The following UMAD1 variants were observed in gnomAD, a reference collection of about 807,000 sequenced individuals.
UMAD1 encodes the protein UBAP1-MVB12-associated (UMA)-domain containing protein 1.
UMAD1 carries 8 observed loss-of-function variants against 6.1 expected under a neutral mutation model. The ratio of observed to expected loss-of-function variants is 1.30; its 90% confidence interval spans 0.76 to 2.35. The LOEUF (loss-of-function observed/expected upper bound fraction) is 2.35. UMAD1 is among the 30% of genes most tolerant of loss of function. UMAD1 has a pLI of 0.00. For missense variants in UMAD1, 130 were observed against 78.4 expected, an observed-to-expected ratio of 1.66 and a Z score of -2.49; for synonymous variants, 56 against 31.4, an observed-to-expected ratio of 1.78 and a Z score of -2.61.
intron 2 of UMAD1, among the ~76,000 whole-genome samples, chr7:7,790,816 A>G (rs1450544850): frequency 6.6e-6 from 1 of 152,140 alleles, no homozygotes; most frequent in Non-Finnish European, 1.5e-5. Context: ...TAGTTATCAC[A>G]TTGTGCTATC....
chr7:7,666,958 C>A (rs376986695), intron 1 of UMAD1, among the ~76,000 whole-genome samples: 1 of 152,168 alleles, frequency 6.6e-6, no homozygotes, highest in Non-Finnish European at 1.5e-5. Context: ...CAGGCGTGCG[C>A]CACCACATCC....
intron 2 of UMAD1, among the ~76,000 whole-genome samples, chr7:7,764,405 C>T (rs141401696): frequency 9.5e-4 from 145 of 152,174 alleles, no homozygotes; most frequent in Non-Finnish European, 1.6e-3. Context: ...ATCTTTGCTT[C>T]GGTTAAGTAG....
chr7:7,847,094 AAAAAAAAAAAATATAT>A (rs1277433487), intron 3 of UMAD1, among the ~76,000 whole-genome samples: 1 of 42,718 alleles, frequency 2.3e-5, no homozygotes, highest in African/African-American at 1.7e-4. Flanking sequence ...ATGCAAAAAA[AAAAAAAAAAAATATAT>A]ATATATATAT....
chr7:7,668,953 C>G (rs971716483), intron 1 of UMAD1, among the ~76,000 whole-genome samples: 9 of 152,086 alleles, frequency 5.9e-5, no homozygotes, highest in African/African-American at 2.2e-4. Flanking sequence ...TGTAGACATG[C>G]CAGTCCACCT....
chr7:7,853,547 T>C (rs1035912405), intron 3 of UMAD1, among the ~76,000 whole-genome samples: 1 of 152,148 alleles, frequency 6.6e-6, no homozygotes, highest in African/African-American at 2.4e-5. Flanking sequence ...AATTTATTCC[T>C]AATCATGTTA....
At chr7:7,869,814 C>G (rs1054149890) in intron 3 of UMAD1, among the ~76,000 whole-genome samples, 2 of 152,176 alleles carry the variant, frequency 1.3e-5, no homozygotes, top group Admixed American at 6.5e-5. Flanking sequence ...GTTCTTAAAC[C>G]TGAATTTCCT....
intron 3 of UMAD1, among the ~76,000 whole-genome samples, chr7:7,867,968 G>C (rs1318927427): frequency 6.6e-6 from 1 of 152,034 alleles, no homozygotes; most frequent in Non-Finnish European, 1.5e-5. Context: ...AGCAGATAGA[G>C]GAGATCCTCA....
At chr7:7,728,056 A>T (rs868840484) in intron 2 of UMAD1, among the ~76,000 whole-genome samples, 64 of 152,072 alleles carry the variant, frequency 4.2e-4, no homozygotes, top group South Asian at 8.3e-4. Flanking sequence ...TGTTGGCCCT[A>T]TTTTTAACTC....
At chr7:7,675,246 G>T (rs1779710752) in intron 2 of UMAD1, among the ~76,000 whole-genome samples, 1 of 152,184 alleles carries the variant, frequency 6.6e-6, no homozygotes, top group South Asian at 2.1e-4. Context: ...TAAGTTGGGT[G>T]TACTGGCATC....
intron 2 of UMAD1, among the ~76,000 whole-genome samples, chr7:7,799,007 A>G (rs1269648577): frequency 6.6e-6 from 1 of 152,202 alleles, no homozygotes; most frequent in Non-Finnish European, 1.5e-5. Context: ...TATCTATCCA[A>G]GATATAAATT....
At chr7:7,667,173 G>A (rs1779486746) in intron 1 of UMAD1, among the ~76,000 whole-genome samples, 1 of 152,198 alleles carries the variant, frequency 6.6e-6, no homozygotes. Flanking sequence ...GTATTAAGAT[G>A]CATTATAGGT....
At chr7:7,653,280 T>C (rs1785268804) in intron 1 of UMAD1, among the ~76,000 whole-genome samples, 1 of 152,220 alleles carries the variant, frequency 6.6e-6, no homozygotes, top group Admixed American at 6.5e-5. Flanking sequence ...CTAAAACATA[T>C]AAATGTGTCA....
intron 2 of UMAD1, chr7:7,735,846 A>G (rs988405379): frequency 6.6e-6 from 1 of 152,318 alleles, no homozygotes; most frequent in African/African-American, 2.4e-5. Flanking sequence ...CCCAGAAAGT[A>G]TCTTCCACAG....
intron 2 of UMAD1, among the ~76,000 whole-genome samples, chr7:7,722,751 C>T (rs1470974093): frequency 6.6e-6 from 1 of 152,150 alleles, no homozygotes; most frequent in Admixed American, 6.5e-5. Flanking sequence ...GGTGGCTGAC[C>T]TGTAATGGAA....
intron 2 of UMAD1, among the ~76,000 whole-genome samples, chr7:7,784,988 C>G (rs1441820619): frequency 2.0e-5 from 3 of 152,070 alleles, no homozygotes; most frequent in Admixed American, 6.6e-5. Flanking sequence ...TAGAAAGGTT[C>G]CCTAATTGTC....
chr7:7,836,072 G>T (rs1249343073), intron 3 of UMAD1, among the ~76,000 whole-genome samples: 3 of 151,932 alleles, frequency 2.0e-5, no homozygotes, highest in African/African-American at 4.8e-5. Flanking sequence ...TAGTCTTAAA[G>T]ATTCCATTTA....
chr7:7,675,197 CATT>C (rs1388337765), intron 2 of UMAD1, among the ~76,000 whole-genome samples: 3 of 152,134 alleles, frequency 2.0e-5, no homozygotes, highest in Non-Finnish European at 4.4e-5. Flanking sequence ...TAGAAATTGA[CATT>C]ATTCTTTTTG....
intron 2 of UMAD1, among the ~76,000 whole-genome samples, chr7:7,741,600 AATAATAATAATAAT>A (rs1363703346): frequency 6.8e-6 from 1 of 148,088 alleles, no homozygotes; most frequent in African/African-American, 2.4e-5. Context: ...TAATAATAAT[AATAATAATAATAAT>A]AAAAATAATA....
chr7:7,771,424 C>A (rs978149058), intron 2 of UMAD1, among the ~76,000 whole-genome samples: 4 of 152,114 alleles, frequency 2.6e-5, no homozygotes, highest in Admixed American at 2.6e-4. Context: ...GCGGCAGCCA[C>A]AGGATGTTAT....
Sources: gnomAD v4.1 joint callset for allele counts (sites outside exome capture counted in the v4.1 genomes callset) on GRCh38, gnomAD v4.1.1 for gene constraint, MANE v1.5 for transcripts, NCBI Gene and HGNC (gene_info 2026-07-23, HGNC 2026-07-21) for gene names.